The following MAX variants were observed in gnomAD, a reference collection of about 807,000 sequenced individuals.
MAX encodes the protein protein max.
Under a neutral mutation model 22.3 loss-of-function variants are expected in MAX, and 3 were observed. The observed-to-expected ratio is 0.13, with a 90% CI of 0.06 to 0.35. The LOEUF is 0.35. Ranked by LOEUF, MAX falls within the 10% of genes least tolerant of loss-of-function variation. MAX has a pLI of 1.00. For missense variants in MAX, 119 were observed against 209.4 expected, an observed-to-expected ratio of 0.57 and a Z score of 2.66; for synonymous variants, 72 against 77.7, an observed-to-expected ratio of 0.93 and a Z score of 0.39.
Position 65,030,476 on chromosome 14 carries a change from T to C in MAX, c.172-24192A>G, listed in dbSNP as rs889349802. ...ACCAGGGCCGAGCGGCAGTGGCTCA[T>C]GTCTGTAATCTCAACACTTTGAGAG... On this transcript the variant is annotated intron_variant, in intron 3 of 3. Transcript: ENST00000341653. This position sits in a 1 kb window ranked among gnomAD's most constrained non-coding sequence, Gnocchi z 4.5. Among the ~76,000 whole-genome samples, 7 of 152,222 alleles carry C rather than the reference T, an allele frequency of 4.6e-5. No homozygotes were observed. The highest frequency in any genetic ancestry group is 1.5e-5 in the Non-Finnish European group (1 of 68,036).
intron 3 of MAX, among the ~76,000 whole-genome samples, chr14:65,049,081 C>T (rs868434687): frequency 9.3e-5 from 14 of 150,698 alleles, no homozygotes; most frequent in Admixed American, 2.0e-4. Flanking sequence ...GAGCTGAGAT[C>T]GCGCCGTTGC....
chr14:65,102,393 G>C lies in MAX; in HGVS notation c.-54C>G. 1.3e-6 allele frequency: 2 copies of C among 1,596,296 alleles called. No individual in the cohort carries two copies. Among genetic ancestry groups the C allele is most frequent in the Non-Finnish European group, 1.7e-6 (2 of 1,172,076 alleles). On this transcript the variant is annotated 5_prime_UTR_variant, in exon 1 of 5. Transcript: ENST00000358664. ...AGCGGCGGCGGGGAGGGGAAGGGGT[G>C]AAGGGGAGGGGGAAGTCACCGACAA...
intron 3 of MAX, among the ~76,000 whole-genome samples, chr14:65,036,356 C>CA (rs1170899256): frequency 2.6e-5 from 4 of 151,722 alleles, no homozygotes; most frequent in Non-Finnish European, 4.4e-5. Flanking sequence ...CCTGCTTCAG[C>CA]TTTCCAAGTA....
chr14:65,025,138 CCAGA>C (rs920898054), intron 3 of MAX, among the ~76,000 whole-genome samples: 4 of 152,062 alleles, frequency 2.6e-5, no homozygotes, highest in Non-Finnish European at 4.4e-5. Flanking sequence ...TAGCACAGCC[CCAGA>C]CAGTCAGATG....
intron 3 of MAX, among the ~76,000 whole-genome samples, chr14:65,038,192 C>G (rs540350380): frequency 1.3e-5 from 2 of 151,994 alleles, no homozygotes; most frequent in Non-Finnish European, 2.9e-5. Flanking sequence ...GGGCGGATCA[C>G]GAGGTCAGGA....
chr14:65,093,403 G>T lies in MAX; in HGVS notation c.171+305C>A, dbSNP rs1227158871. The stretch of plus-strand genomic sequence containing the variant: ...TTACTGTTATCCCAAACGAACTCTT[G>T]GCCACTCTTTATACTATAGTGTATA... On this transcript the variant is annotated intron_variant, in intron 3 of 4. Transcript: ENST00000358664. This position sits in a 1 kb window ranked among gnomAD's most constrained non-coding sequence, Gnocchi z 4.4. 5.3e-6 allele frequency: 2 copies of T among 374,932 alleles called. No individual in the cohort carries two copies. The highest frequency in any genetic ancestry group is 4.2e-5 in the African/African-American group (2 of 48,158). The allele number at this position is 374,932 out of a possible 1,614,324, so 23.2% of individuals were successfully genotyped here.
Position 65,076,382 on chromosome 14 carries a change from C to A in MAX, c.*94G>T. On this transcript the variant is annotated 3_prime_UTR_variant, in exon 5 of 5. Transcript: ENST00000358664. This position sits in a 1 kb window ranked among gnomAD's most constrained non-coding sequence, Gnocchi z 6.6. ...AGGGAGAAAGAGAAAAATAAAGAGTCTCTTAAATGGTTCTGAGGGCTCTAC... is the reference window on the plus strand; with the variant it reads ...AGGGAGAAAGAGAAAAATAAAGAGTATCTTAAATGGTTCTGAGGGCTCTAC... 1.2e-6 allele frequency: 2 copies of A among 1,601,790 alleles called. No individual in the cohort carries two copies. Among genetic ancestry groups the A allele is most frequent in the Non-Finnish European group, 1.7e-6 (2 of 1,173,780 alleles).
chr14:65,034,382 C>T (rs2062146723), intron 3 of MAX, among the ~76,000 whole-genome samples: 1 of 152,190 alleles, frequency 6.6e-6, no homozygotes, highest in Admixed American at 6.5e-5. Flanking sequence ...AAAAAGGGTA[C>T]CTGGGAGATA....
chr14:65,080,309 G>C (rs1301739635), intron 3 of MAX, among the ~76,000 whole-genome samples: 1 of 152,232 alleles, frequency 6.6e-6, no homozygotes, highest in African/African-American at 2.4e-5. Context: ...CAGAAGGAAT[G>C]AGAGTTCCTA....
rs2062001784 is a variant in MAX at position 65,027,347 on chromosome 14, T to C, written c.172-21063A>G. ...TGGGAGGAGAGGTTCCCCTCAACTTTTGAGGGAGTGGGGGATCATTGGAAA... is the reference window on the plus strand; with the variant it reads ...TGGGAGGAGAGGTTCCCCTCAACTTCTGAGGGAGTGGGGGATCATTGGAAA... On this transcript the variant is annotated intron_variant, in intron 3 of 3. Transcript: ENST00000341653. The surrounding 1 kb of genome is among the most constrained non-coding windows in gnomAD (Gnocchi z 5.7). 4 of 1,536,640 alleles carry C rather than the reference T, an allele frequency of 2.6e-6. No homozygotes were observed. The highest frequency in any genetic ancestry group is 1.4e-5 in the African/African-American group (1 of 72,816).
chr14:65,063,144 G>A (rs1296799604), intron 3 of MAX, among the ~76,000 whole-genome samples: 1 of 152,188 alleles, frequency 6.6e-6, no homozygotes, highest in African/African-American at 2.4e-5. Context: ...GAGAGAAGAT[G>A]GTGTCCTTAG....
At position 65,027,964 on chromosome 14, in the gene MAX, T is replaced by C. The variant is rs571897037; in HGVS notation, c.172-21680A>G. ...GTGATGCAGATGTCCTCAGGTGTCA[T>C]GATCACTTGACTTATTTTATGTAAA... On this transcript the variant is annotated intron_variant, in intron 3 of 3. Coordinates refer to the MAX transcript ENST00000341653. This position sits in a 1 kb window ranked among gnomAD's most constrained non-coding sequence, Gnocchi z 5.7. Among the ~76,000 whole-genome samples the C allele has an allele frequency of 1.3e-5, 2 of 152,368 alleles. No individual in the cohort carries two copies. Among genetic ancestry groups the C allele is most frequent in the South Asian group, 2.1e-4 (1 of 4,830 alleles).
At chr14:65,021,086 G>A (rs2061878362) in intron 3 of MAX, among the ~76,000 whole-genome samples, 1 of 152,150 alleles carries the variant, frequency 6.6e-6, no homozygotes, top group South Asian at 2.1e-4. Flanking sequence ...TATCTAAAAT[G>A]AATTAATATT....
At chr14:65,094,180 GC>G (rs1473861691) in intron 2 of MAX, 3 of 329,044 alleles carry the variant, frequency 9.1e-6, no homozygotes, top group African/African-American at 6.4e-5. Context: ...ACTAGAGAAA[GC>G]TCCAGTGGCC....
intron 3 of MAX, among the ~76,000 whole-genome samples, chr14:65,092,631 T>C (rs1222244989): frequency 6.6e-6 from 1 of 152,194 alleles, no homozygotes; most frequent in Non-Finnish European, 1.5e-5. Context: ...ACCAGGTATG[T>C]ACATGGCCTG....
At chr14:65,033,707 A>G (rs2062131791) in intron 3 of MAX, among the ~76,000 whole-genome samples, 1 of 152,180 alleles carries the variant, frequency 6.6e-6, no homozygotes, top group Admixed American at 6.5e-5. Context: ...AATACAAAAA[A>G]TTAGCTGGGC....
At chr14:65,040,225 T>A (rs904202503) in intron 3 of MAX, among the ~76,000 whole-genome samples, 7 of 149,212 alleles carry the variant, frequency 4.7e-5, no homozygotes, top group African/African-American at 1.7e-4. Flanking sequence ...TCTTTAATTT[T>A]ATTTTAACTT....
In MAX at chr14:65,079,808, C is replaced by T. The variant is rs926406394; in HGVS notation, c.172-1772G>A. Among the ~76,000 whole-genome samples the T allele has an allele frequency of 7.9e-5, 12 of 152,164 alleles. No homozygotes were observed. Among genetic ancestry groups the T allele is most frequent in the African/African-American group, 2.7e-4 (11 of 41,428 alleles). ...TGAGTTTCAGAAAGGTTTGTAAGGC[C>T]CGTGCTTATTCATAAGTCCTCACAA... On this transcript the variant is annotated intron_variant, in intron 3 of 4. Transcript: ENST00000358664. The surrounding 1 kb of genome is among the most constrained non-coding windows in gnomAD (Gnocchi z 4.5).
rs944172230 is a variant in MAX at position 65,054,469 on chromosome 14, G to C, written c.171+39239C>G. ...TGCCTCCTCTAGCCACATGGAGGAT[G>C]GGGGGGGACGTGTGATTGCACCAGT... is the stretch of plus-strand genomic sequence containing the variant. On this transcript the variant is annotated intron_variant, in intron 3 of 3. Coordinates refer to the MAX transcript ENST00000341653. The surrounding 1 kb of genome is among the most constrained non-coding windows in gnomAD (Gnocchi z 4.4). 11 of 982,310 alleles carry C rather than the reference G, an allele frequency of 1.1e-5. No homozygotes were observed. Among genetic ancestry groups the C allele is most frequent in the African/African-American group, 7.1e-5 (2 of 28,038 alleles). 60.8% of individuals were successfully genotyped at this position (982,310 alleles called of 1,614,324 possible).
Sources: allele counts gnomAD v4.1 joint callset (sites outside exome capture counted in the v4.1 genomes callset), GRCh38; gene constraint gnomAD v4.1.1; non-coding constraint Gnocchi (gnomAD v3.1); transcripts MANE v1.5; gene names NCBI Gene and HGNC (gene_info 2026-07-23, HGNC 2026-07-21).